Variants in C1QTNF5 observed in about 807,000 individuals in gnomAD.
The protein encoded by C1QTNF5 is C1q and TNF related 5, also known as complement C1q tumor necrosis factor-related protein 5.
In C1QTNF5, 5 loss-of-function variants were observed where a neutral mutation model predicts 10.9. The observed-to-expected ratio is 0.46, with a 90% CI of 0.24 to 0.97. The LOEUF is 0.97. C1QTNF5 is among the 50% of genes least tolerant of loss of function. The pLI is 0.19. For synonymous variants in C1QTNF5, 161 were observed against 156.5 expected (o/e 1.03, Z -0.22); for missense variants, 281 against 339.4 (o/e 0.83, Z 1.35).
At chr11:119,342,407 T>G (rs1207992097), upstream of C1QTNF5, among the ~76,000 whole-genome samples, 3 of 152,118 alleles carry the variant, frequency 2.0e-5, no homozygotes, top group Non-Finnish European at 4.4e-5. Flanking sequence ...GGGGTGACAC[T>G]CAGTACTATT....
the C1QTNF5 span, chr11:119,346,470 T>A: frequency 3.1e-6 from 5 of 1,614,118 alleles, no homozygotes; most frequent in Non-Finnish European, 4.2e-6. Flanking sequence ...CTTGCTCGAT[T>A]CTGTTGCCTC....
At chr11:119,343,766 G>A, upstream of C1QTNF5, 2 of 1,610,164 alleles carry the variant, frequency 1.2e-6, no homozygotes, top group South Asian at 1.1e-5. Flanking sequence ...AGCCGGGGGT[G>A]GCAGACAGTG....
At position 119,339,414 on chromosome 11, in the gene C1QTNF5, T is replaced by A; in HGVS notation, c.649A>T (p.Ile217Phe). The A allele has an allele frequency of 6.2e-7, 1 of 1,613,464 alleles. No homozygotes were observed. The highest frequency in any genetic ancestry group is 1.1e-5 in the South Asian group (1 of 91,044). Residue 217 changes from isoleucine to phenylalanine, a missense_variant, in exon 3 of 3, where the codon ATC (isoleucine) becomes TTC (phenylalanine). By Grantham distance (21) the Ile-to-Phe change is conservative. Transcript: ENST00000528368. The surrounding 1 kb of genome is among the most constrained non-coding windows in gnomAD (Gnocchi z 5.4). ...VQVGVGDYIG[I>F]YASIKTDSTF... ...CTGTCTGTCTTGATGCTGGCATAGA[T>A]GCCAATGTAGTCACCCACACCCACC...
At chr11:119,344,932 G>A (rs971558444), upstream of C1QTNF5, 5 of 1,611,222 alleles carry the variant, frequency 3.1e-6, no homozygotes, top group Non-Finnish European at 3.4e-6. Flanking sequence ...CCACACTGCT[G>A]TCAGAGACGA....
Position 119,340,850 on chromosome 11 carries a change from C to T in C1QTNF5, c.-199G>A, listed in dbSNP as rs75463316. 312 of 189,838 alleles carry T rather than the reference C, an allele frequency of 1.6e-3. 9 individuals carry two copies. In the East Asian group the frequency reaches 0.036, roughly 22 times the overall value. The allele number at this position is 189,838 out of a possible 1,614,324, so 11.8% of individuals were successfully genotyped here. A position where few individuals can be genotyped will look rare whatever the true frequency, so the allele number is the denominator to read the frequency against. The stretch of plus-strand genomic sequence containing the variant: ...TTCGCTCCCTGCCGGCTCCGCTTTC[C>T]TCCTCCCAGACTCCAAGAGGAAACC... On this transcript the variant is annotated 5_prime_UTR_variant, in exon 1 of 3. Coordinates refer to ENST00000528368, the MANE Select transcript of C1QTNF5 (RefSeq NM_001278431.2).
chr11:119,340,496 C>T, intron 1 of C1QTNF5, 56 bp from the exon 2 acceptor site: 1 of 1,323,160 alleles, frequency 7.6e-7, no homozygotes, highest in Non-Finnish European at 1.0e-6. Flanking sequence ...CTGCCTCTCT[C>T]CCCACCCCGG....
At chr11:119,341,501 C>T (rs777685330), upstream of C1QTNF5, 2 of 1,533,394 alleles carry the variant, frequency 1.3e-6, no homozygotes, top group East Asian at 2.3e-5. Flanking sequence ...CCAGCCCTGA[C>T]CGGCAAAAGA....
At chr11:119,341,209 C>T, upstream of C1QTNF5, 1 of 365,482 alleles carries the variant, frequency 2.7e-6, no homozygotes, top group East Asian at 5.8e-5. Flanking sequence ...ATGCTCAGTA[C>T]ATTTTTGTTG....
rs773626011 is a variant in C1QTNF5 at position 119,339,462 on chromosome 11, G to A, written c.601C>T (p.Pro201Ser). 5 of 1,614,018 alleles carry A rather than the reference G, an allele frequency of 3.1e-6. No homozygotes were observed. The change falls in exon 3 of 3, where the codon CCT becomes TCT. Residue 201 changes from proline to serine, a missense_variant. Physicochemically the swap from Pro to Ser is moderately conservative, Grantham distance 74 (BLOSUM62 -1). Coordinates refer to ENST00000528368, the MANE Select transcript of C1QTNF5 (RefSeq NM_001278431.2). The surrounding 1 kb of genome is among the most constrained non-coding windows in gnomAD (Gnocchi z 5.4). ...ACCTGCACCCACACTTGGTCCTCAG[G>A]CTCCAGCCTCACCATGGCCCCCCCC... ...LSGGAMVRLE[P>S]EDQVWVQVGV...
chr11:119,339,628 G>T lies in C1QTNF5; in HGVS notation c.435C>A (p.Cys145Ter). Reference protein sequence around the residue: ...HYDAVTGKFTCQVPGVYYFAV... With the variant: ...HYDAVTGKFT Reference sequence around the variant, plus strand: ...CGAAGTAGTAGACCCCAGGCACCTGGCAGGTGAACTTGCCGGTGACGGCGT... The same window carrying T: ...CGAAGTAGTAGACCCCAGGCACCTGTCAGGTGAACTTGCCGGTGACGGCGT... Residue 145 changes from cysteine (C) to a stop codon, truncating the protein, a stop_gained, in exon 3 of 3, where the codon TGC becomes TGA. Transcript: ENST00000528368. LOFTEE classifies it high-confidence loss of function. This position sits in a 1 kb window ranked among gnomAD's most constrained non-coding sequence, Gnocchi z 5.4. 1 of 1,613,030 alleles carries T rather than the reference G, an allele frequency of 6.2e-7. No homozygotes were observed. Among genetic ancestry groups the T allele is most frequent in the East Asian group, 2.2e-5 (1 of 44,888 alleles).
chr11:119,341,887 C>T (rs1258453934), upstream of C1QTNF5: 1 of 1,614,072 alleles, frequency 6.2e-7, no homozygotes, highest in Non-Finnish European at 8.5e-7. Flanking sequence ...CTACCACCTC[C>T]TCCTGGGTGA....
chr11:119,339,970 C>T lies in C1QTNF5; in HGVS notation c.215-122G>A, dbSNP rs1202728623. The T allele has an allele frequency of 3.0e-6, 4 of 1,342,302 alleles. No individual in the cohort carries two copies. Among genetic ancestry groups the T allele is most frequent in the African/African-American group, 1.5e-5 (1 of 64,996 alleles). The allele number at this position is 1,342,302 out of a possible 1,614,324, so 83.1% of individuals were successfully genotyped here. ...CTGAGCTTCGGCCAGCGCCTCCTCC[C>T]GCACGGGTACCTCCTCCACCCCTTC... On this transcript the variant is annotated intron_variant, in intron 2 of 2. Transcript: ENST00000528368. This position sits in a 1 kb window ranked among gnomAD's most constrained non-coding sequence, Gnocchi z 5.4.
In C1QTNF5 at chr11:119,339,142, A is replaced by C; in HGVS notation, c.*189T>G. Reference sequence around the variant, plus strand: ...TGGGCAGAAATCCAGCCACTGCCCCATGCTGCCAGACCTGATCGCAGACAG... The same window carrying C: ...TGGGCAGAAATCCAGCCACTGCCCCCTGCTGCCAGACCTGATCGCAGACAG... On this transcript the variant is annotated 3_prime_UTR_variant, in exon 3 of 3. Transcript: ENST00000528368. This position sits in a 1 kb window ranked among gnomAD's most constrained non-coding sequence, Gnocchi z 5.4. 1.5e-6 allele frequency: 1 copy of C among 654,720 alleles called. No homozygotes were observed. The highest frequency in any genetic ancestry group is 2.6e-6 in the Non-Finnish European group (1 of 390,994). The allele number at this position is 654,720 out of a possible 1,614,324, so 40.6% of individuals were successfully genotyped here.
At chr11:119,341,618 C>T, upstream of C1QTNF5, 7 of 1,612,968 alleles carry the variant, frequency 4.3e-6, no homozygotes, top group Non-Finnish European at 5.9e-6. Context: ...CCAGGGGGTG[C>T]CCAGTAGTGC....
At chr11:119,343,790 C>G, upstream of C1QTNF5, 1 of 1,613,572 alleles carries the variant, frequency 6.2e-7, no homozygotes, top group Non-Finnish European at 8.5e-7. Flanking sequence ...ATGGAGTTAT[C>G]CATGGCTCTT....
chr11:119,344,529 A>G, upstream of C1QTNF5: 2 of 1,598,378 alleles, frequency 1.3e-6, no homozygotes, highest in South Asian at 1.1e-5. Context: ...CTGAGCAGGA[A>G]ATGCTGACGG....
chr11:119,339,161 C>A lies in C1QTNF5; in HGVS notation c.*170G>T. On this transcript the variant is annotated 3_prime_UTR_variant, in exon 3 of 3. Coordinates refer to ENST00000528368, the MANE Select transcript of C1QTNF5 (RefSeq NM_001278431.2). This position sits in a 1 kb window ranked among gnomAD's most constrained non-coding sequence, Gnocchi z 5.4. ...TGCCCCATGCTGCCAGACCTGATCG[C>A]AGACAGCCACTGTTCCCATTCCTTG... The A allele has an allele frequency of 1.4e-6, 1 of 730,892 alleles. No individual in the cohort carries two copies. Among genetic ancestry groups the A allele is most frequent in the Non-Finnish European group, 2.2e-6 (1 of 455,268 alleles). The allele number at this position is 730,892 out of a possible 1,614,324, so 45.3% of individuals were successfully genotyped here.
At chr11:119,341,553 G>C (rs756325658), upstream of C1QTNF5, 2 of 1,612,162 alleles carry the variant, frequency 1.2e-6, no homozygotes, top group East Asian at 4.5e-5. Context: ...CAGGGTCAGG[G>C]CTGGGCACAA....
At position 119,339,610 on chromosome 11, in the gene C1QTNF5, G is replaced by A; in HGVS notation, c.453C>T (p.Tyr151=). 1.2e-6 allele frequency: 2 copies of A among 1,613,182 alleles called. No homozygotes were observed. The highest frequency in any genetic ancestry group is 1.7e-6 in the Non-Finnish European group (2 of 1,180,032). Reference sequence around the variant, plus strand: ...AGACGGTGGCATGGACGGCGAAGTAGTAGACCCCAGGCACCTGGCAGGTGA... The same window carrying A: ...AGACGGTGGCATGGACGGCGAAGTAATAGACCCCAGGCACCTGGCAGGTGA... ...GKFTCQVPGV[Y]YFAVHATVYR... Residue 151 remains tyrosine (Y), a synonymous_variant, in exon 3 of 3, where the codon TAC becomes TAT. Coordinates refer to ENST00000528368, the MANE Select transcript of C1QTNF5 (RefSeq NM_001278431.2). The surrounding 1 kb of genome is among the most constrained non-coding windows in gnomAD (Gnocchi z 5.4).
Sources: allele counts gnomAD v4.1 joint callset (sites outside exome capture counted in the v4.1 genomes callset), GRCh38; gene constraint gnomAD v4.1.1; non-coding constraint Gnocchi (gnomAD v3.1); transcripts MANE v1.5; gene names NCBI Gene and HGNC (gene_info 2026-07-23, HGNC 2026-07-21).